Variants in CBLB observed in about 807,000 individuals in gnomAD.
The protein encoded by CBLB is E3 ubiquitin-protein ligase CBL-B.
In CBLB, 31 loss-of-function variants were observed where a neutral mutation model predicts 104.9. The ratio of observed to expected loss-of-function variants is 0.30; its 90% CI spans 0.22 to 0.40. CBLB has a LOEUF of 0.40. Among genes scored for constraint, CBLB ranks in the 10% least tolerant of loss-of-function variants. The pLI, the probability that CBLB is intolerant of heterozygous loss-of-function variation, is 1.00. For synonymous variants in CBLB, 440 were observed against 422.6 expected, an observed-to-expected ratio of 1.04 and a Z score of -0.51; for missense variants, 1,062 against 1,214.6, an observed-to-expected ratio of 0.87 and a Z score of 1.87.
At chr3:105,780,263 A>G (rs919801222) in intron 3 of CBLB, among the ~76,000 whole-genome samples, 1 of 152,174 alleles carries the variant, frequency 6.6e-6, no homozygotes, top group African/African-American at 2.4e-5. Flanking sequence ...ACAATCACAC[A>G]TCTTTGTAGA....
chr3:105,816,297 C>T (rs1299942567), intron 3 of CBLB, among the ~76,000 whole-genome samples: 1 of 152,046 alleles, frequency 6.6e-6, no homozygotes, highest in African/African-American at 2.4e-5. Flanking sequence ...ATTGACTGCC[C>T]TTATTAATTT....
chr3:105,741,938 A>AC (rs2075637816), intron 6 of CBLB, among the ~76,000 whole-genome samples: 1 of 152,224 alleles, frequency 6.6e-6, no homozygotes, highest in African/African-American at 2.4e-5. Context: ...TCAGTATCTT[A>AC]CAAGGGGAAG....
intron 9 of CBLB, among the ~76,000 whole-genome samples, chr3:105,726,604 G>A (rs1046574210): frequency 6.7e-6 from 1 of 150,362 alleles, no homozygotes; most frequent in Non-Finnish European, 1.5e-5. Context: ...TGCAGAACAT[G>A]CAGGTTTGTT....
At chr3:105,706,677 T>C (rs1183151789) in intron 10 of CBLB, among the ~76,000 whole-genome samples, 1 of 152,218 alleles carries the variant, frequency 6.6e-6, no homozygotes, top group African/African-American at 2.4e-5. Flanking sequence ...CTCTGAGAAC[T>C]AGAAAAGCTA....
At chr3:105,825,469 T>C (rs565876885) in intron 3 of CBLB, among the ~76,000 whole-genome samples, 1 of 152,336 alleles carries the variant, frequency 6.6e-6, no homozygotes, top group South Asian at 2.1e-4. Context: ...TTTCCTGATA[T>C]TTTATGTTCA....
chr3:105,669,169 C>T (rs554443062), intron 18 of CBLB, among the ~76,000 whole-genome samples: 21 of 152,194 alleles, frequency 1.4e-4, no homozygotes, highest in African/African-American at 4.6e-4. Flanking sequence ...TAAAGCAATG[C>T]TATGGACTGA....
intron 3 of CBLB, among the ~76,000 whole-genome samples, chr3:105,842,662 C>A (rs531096901): frequency 6.6e-6 from 1 of 152,320 alleles, no homozygotes; most frequent in East Asian, 1.9e-4. Context: ...AAGACAGACA[C>A]GTGTGGAGTT....
At chr3:105,818,756 T>C (rs930258149) in intron 3 of CBLB, among the ~76,000 whole-genome samples, 2 of 151,920 alleles carry the variant, frequency 1.3e-5, no homozygotes, top group Admixed American at 6.6e-5. Context: ...TTCAGAAAAA[T>C]AGATTGTGAA....
intron 10 of CBLB, among the ~76,000 whole-genome samples, chr3:105,704,918 TTGTG>T (rs749885567): frequency 2.0e-5 from 3 of 151,922 alleles, no homozygotes; most frequent in Non-Finnish European, 4.4e-5. Context: ...TGTTGTGTGT[TTGTG>T]TGTGTGTGTC....
intron 4 of CBLB, among the ~76,000 whole-genome samples, chr3:105,765,508 T>C (rs1466862738): frequency 6.6e-6 from 1 of 152,172 alleles, no homozygotes; most frequent in Non-Finnish European, 1.5e-5. Flanking sequence ...AATAAATTTC[T>C]GTTCTTTATT....
chr3:105,681,332 G>A (rs2066288998), intron 16 of CBLB, 147 bp downstream of exon 16: 2 of 716,662 alleles, frequency 2.8e-6, no homozygotes, highest in African/African-American at 3.6e-5. Context: ...GTGAACTTGG[G>A]AGTCACCGGC....
chr3:105,867,054 T>C (rs938993039), intron 2 of CBLB, among the ~76,000 whole-genome samples: 2 of 152,234 alleles, frequency 1.3e-5, no homozygotes, highest in African/African-American at 4.8e-5. Context: ...TTAAATAACC[T>C]GCTGGTACTC....
intron 4 of CBLB, among the ~76,000 whole-genome samples, chr3:105,772,250 T>C (rs541081719): frequency 6.6e-6 from 1 of 152,122 alleles, no homozygotes; most frequent in African/African-American, 2.4e-5. Flanking sequence ...CAACAAAGCA[T>C]ACAAAAACAT....
At chr3:105,837,602 G>C (rs984032196) in intron 3 of CBLB, among the ~76,000 whole-genome samples, 3 of 152,110 alleles carry the variant, frequency 2.0e-5, no homozygotes, top group Non-Finnish European at 4.4e-5. Flanking sequence ...TAGCTACAAG[G>C]ACACTCCATT....
At chr3:105,808,347 A>G (rs1417057032) in intron 3 of CBLB, among the ~76,000 whole-genome samples, 1 of 152,178 alleles carries the variant, frequency 6.6e-6, no homozygotes, top group Non-Finnish European at 1.5e-5. Flanking sequence ...ATCTTTAGTA[A>G]TATGTGTTTC....
In CBLB at chr3:105,751,511, T is replaced by C. The variant is rs765543240; in HGVS notation, c.674A>G (p.Asn225Ser). The C allele has an allele frequency of 5.6e-6, 9 of 1,611,714 alleles. No homozygotes were observed. Among genetic ancestry groups the C allele is most frequent in the East Asian group, 2.2e-5 (1 of 44,854 alleles). ...AAATTCAAAAACTGAAATGTAATCA[T>C]TGCAAGTTAAATCAATTGTTGATTT... ...ALKSTIDLTC[N>S]DYISVFEFDI... Residue 225 changes from asparagine (N) to serine (S), a missense_variant, in exon 5 of 19, where the codon AAT (asparagine) becomes AGT (serine). By Grantham distance (46) the Asn-to-Ser change is conservative. Transcript: ENST00000394030.
intron 3 of CBLB, among the ~76,000 whole-genome samples, chr3:105,824,725 A>C (rs1264505543): frequency 6.6e-6 from 1 of 152,096 alleles, no homozygotes; most frequent in African/African-American, 2.4e-5. Context: ...TGGAGAGGGA[A>C]GCTAACAGCT....
At position 105,868,871 on chromosome 3, in the gene CBLB, C is replaced by G. The variant is rs904742800; in HGVS notation, c.-150G>C. On this transcript the variant is annotated 5_prime_UTR_variant, in exon 1 of 19. Transcript: ENST00000394030. ...AGCTCGCTCCCGAAGAAGGAGCAAC[C>G]CAGCGCGCAGGCCTCCGAGACGTGG... 2 of 1,016,308 alleles carry G rather than the reference C, an allele frequency of 2.0e-6. No individual in the cohort carries two copies. Among genetic ancestry groups the G allele is most frequent in the Non-Finnish European group, 2.4e-6 (2 of 850,816 alleles). The allele number at this position is 1,016,308 out of a possible 1,614,324, so 63.0% of individuals were successfully genotyped here. A position where few individuals can be genotyped will look rare whatever the true frequency, so the allele number is the denominator to read the frequency against.
At chr3:105,765,476 C>A (rs2078118719) in intron 4 of CBLB, among the ~76,000 whole-genome samples, 1 of 152,086 alleles carries the variant, frequency 6.6e-6, no homozygotes, top group Non-Finnish European at 1.5e-5. Context: ...TCTTGGACTT[C>A]CTAGCCTTCA....
Sources: allele counts gnomAD v4.1 joint callset (sites outside exome capture counted in the v4.1 genomes callset), GRCh38; gene constraint gnomAD v4.1.1; transcripts MANE v1.5; gene names NCBI Gene and HGNC (gene_info 2026-07-23, HGNC 2026-07-21).